Variants in PDE1C observed in about 807,000 individuals in gnomAD.
PDE1C encodes phosphodiesterase 1C.
In PDE1C, 62 loss-of-function variants were observed where a neutral mutation model predicts 93.1. The ratio of observed to expected loss-of-function variants is 0.67; its 90% confidence interval spans 0.54 to 0.82. The LOEUF is 0.82. PDE1C is among the 40% of genes least tolerant of loss of function. The pLI, the probability that PDE1C is intolerant of heterozygous loss-of-function variation, is 0.00. For missense variants in PDE1C, 742 were observed against 884.6 expected, an observed-to-expected ratio of 0.84 and a Z score of 2.04; for synonymous variants, 325 against 310.1, an observed-to-expected ratio of 1.05 and a Z score of -0.50.
chr7:31,681,014 G>A, the PDE1C span, among the ~76,000 whole-genome samples: 1 of 152,176 alleles, frequency 6.6e-6, no homozygotes, highest in Non-Finnish European at 1.5e-5. Context: ...GACCAGCCTA[G>A]CCACTTAACG....
At chr7:32,044,459 G>A (rs1401483854) in intron 2 of PDE1C, among the ~76,000 whole-genome samples, 2 of 152,128 alleles carry the variant, frequency 1.3e-5, no homozygotes, top group African/African-American at 2.4e-5. Flanking sequence ...TGGCCAACAG[G>A]AAGCCAATGG....
At chr7:32,237,048 G>A (rs965652218) in intron 1 of PDE1C, among the ~76,000 whole-genome samples, 7 of 150,062 alleles carry the variant, frequency 4.7e-5, no homozygotes, top group Non-Finnish European at 3.0e-5. Context: ...AGTCTCAAAA[G>A]GTTACATACT....
chr7:32,130,857 C>A (rs1303117321), intron 3 of PDE1C, among the ~76,000 whole-genome samples: 1 of 152,008 alleles, frequency 6.6e-6, no homozygotes, highest in Admixed American at 6.6e-5. Flanking sequence ...CAAGTGATGA[C>A]AAAAAGTATA....
At chr7:32,332,159 C>A (rs536565576) in intron 1 of PDE1C, among the ~76,000 whole-genome samples, 1 of 152,144 alleles carries the variant, frequency 6.6e-6, no homozygotes, top group African/African-American at 2.4e-5. Flanking sequence ...TATACACACA[C>A]ACACAGAGAC....
At chr7:32,171,028 T>G (rs1347293154) in intron 2 of PDE1C, among the ~76,000 whole-genome samples, 1 of 152,146 alleles carries the variant, frequency 6.6e-6, no homozygotes, top group Admixed American at 6.5e-5. Context: ...TGTTCCTTCT[T>G]GCAGAAACCA....
chr7:31,617,708 CGACCCCCACA>C, the PDE1C span, among the ~76,000 whole-genome samples: 1 of 151,904 alleles, frequency 6.6e-6, no homozygotes, highest in Non-Finnish European at 1.5e-5. Flanking sequence ...GTGCTCCCTC[CGACCCCCACA>C]GTACTTTAAG....
chr7:32,234,686 A>G (rs1438191311), intron 1 of PDE1C, among the ~76,000 whole-genome samples: 1 of 151,988 alleles, frequency 6.6e-6, no homozygotes, highest in Non-Finnish European at 1.5e-5. Context: ...CTAGAAAACT[A>G]AAATCTAAAG....
At chr7:32,069,260 C>T (rs1408896473) in intron 1 of PDE1C, among the ~76,000 whole-genome samples, 2 of 152,194 alleles carry the variant, frequency 1.3e-5, no homozygotes, top group East Asian at 1.9e-4. Flanking sequence ...TTTTATTTGT[C>T]TTTTGTTTGT....
chr7:32,216,890 A>G (rs778047275), intron 1 of PDE1C, among the ~76,000 whole-genome samples: 5 of 152,090 alleles, frequency 3.3e-5, no homozygotes, highest in African/African-American at 4.8e-5. Flanking sequence ...CCGAGAGAAG[A>G]GCCAGGCTGC....
At chr7:32,319,114 CA>C (rs1783233834) in intron 1 of PDE1C, among the ~76,000 whole-genome samples, 1 of 152,240 alleles carries the variant, frequency 6.6e-6, no homozygotes, top group African/African-American at 2.4e-5. Flanking sequence ...CCGGGAGCTG[CA>C]GTCCTCCGCA....
chr7:31,796,843 A>G (rs893388910), intron 16 of PDE1C, among the ~76,000 whole-genome samples: 2 of 151,810 alleles, frequency 1.3e-5, no homozygotes, highest in African/African-American at 4.8e-5. Context: ...ACAGTGAAGT[A>G]TCTAAATCAA....
chr7:31,952,469 C>T (rs1426996637), intron 2 of PDE1C, among the ~76,000 whole-genome samples: 5 of 152,096 alleles, frequency 3.3e-5, no homozygotes, highest in East Asian at 3.9e-4. Context: ...AGGCTGGTCT[C>T]GAACTCCTGG....
chr7:32,113,986 G>A (rs373310695), intron 3 of PDE1C, among the ~76,000 whole-genome samples: 21 of 151,922 alleles, frequency 1.4e-4, no homozygotes, highest in Admixed American at 1.1e-3. Context: ...GAGAGGACAC[G>A]AACACATGGA....
At chr7:31,973,380 C>T (rs796816055) in intron 2 of PDE1C, among the ~76,000 whole-genome samples, 17 of 152,128 alleles carry the variant, frequency 1.1e-4, no homozygotes, top group African/African-American at 4.1e-4. Context: ...GTAAGATAAA[C>T]CCAAAGAAAG....
chr7:31,979,272 G>A (rs1000842025), intron 2 of PDE1C, among the ~76,000 whole-genome samples: 4 of 152,146 alleles, frequency 2.6e-5, no homozygotes, highest in African/African-American at 9.7e-5. Flanking sequence ...TCTTATCTTG[G>A]TGTTGTTACT....
At chr7:31,672,256 A>G in the PDE1C span, among the ~76,000 whole-genome samples, 2 of 152,190 alleles carry the variant, frequency 1.3e-5, no homozygotes, top group African/African-American at 4.8e-5. Context: ...GAGAAAATAC[A>G]TCATATGATT....
chr7:31,847,937 C>T, intron 9 of PDE1C, 31 bp downstream of exon 9: 1 of 1,610,404 alleles, frequency 6.2e-7, no homozygotes, highest in South Asian at 1.1e-5. Flanking sequence ...CCTTCCCTGG[C>T]CTACAAATCT....
intron 1 of PDE1C, among the ~76,000 whole-genome samples, chr7:32,292,505 T>C (rs1196683954): frequency 1.3e-5 from 2 of 152,228 alleles, no homozygotes; most frequent in Non-Finnish European, 2.9e-5. Context: ...AAATCAGCCC[T>C]AGTAAGTGTT....
intron 17 of PDE1C, among the ~76,000 whole-genome samples, chr7:31,772,464 A>G (rs1252869989): frequency 6.7e-6 from 1 of 149,746 alleles, no homozygotes; most frequent in Admixed American, 6.7e-5. Flanking sequence ...CTCCTTACTC[A>G]GGATGTGGAT....
Sources: allele counts gnomAD v4.1 joint callset (sites outside exome capture counted in the v4.1 genomes callset), GRCh38; gene constraint gnomAD v4.1.1; transcripts MANE v1.5; gene names NCBI Gene and HGNC (gene_info 2026-07-23, HGNC 2026-07-21).